Variants in KCNQ1 observed in about 807,000 individuals in gnomAD.
KCNQ1 encodes the protein potassium voltage-gated channel subfamily Q member 1.
In KCNQ1, 49 loss-of-function variants were observed where a neutral mutation model predicts 72.4. That is an observed-to-expected ratio of 0.68 (90% CI 0.54 to 0.86). KCNQ1 has a LOEUF of 0.86. Ranked by LOEUF, KCNQ1 falls within the 40% of genes least tolerant of loss-of-function variation. The probability of loss-of-function intolerance (pLI) is 0.00; values close to 1 mark genes in which losing one functional copy is unlikely to be tolerated. For synonymous variants in KCNQ1, 450 were observed against 412.6 expected, an observed-to-expected ratio of 1.09 and a Z score of -1.10; for missense variants, 790 against 945.1, an observed-to-expected ratio of 0.84 and a Z score of 2.15.
chr11:2,786,660 C>T (rs1359296521), intron 15 of KCNQ1, among the ~76,000 whole-genome samples: 1 of 151,580 alleles, frequency 6.6e-6, no homozygotes, highest in African/African-American at 2.4e-5. Flanking sequence ...GTTTCTTTGA[C>T]TGTGTTTAAT....
rs1391400238 is a variant in KCNQ1, at chr11:2,612,457, G to A, written c.1393+23603G>A. ...TCATTATTTTTCTTTCTATTCTTCA[G>A]TCTGAATCATCTTTATGGATCTGCG... is the stretch of plus-strand genomic sequence containing the variant. On this transcript the variant is annotated intron_variant, in intron 10 of 15. Transcript: ENST00000155840. The surrounding 1 kb of genome is among the most constrained non-coding windows in gnomAD (Gnocchi z 5.5). 7.5e-6 allele frequency: 3 copies of A among 398,508 alleles called. No homozygotes were observed. The highest frequency in any genetic ancestry group is 1.3e-5 in the Non-Finnish European group (3 of 226,050). The allele number at this position is 398,508 out of a possible 1,614,324, so 24.7% of individuals were successfully genotyped here.
In KCNQ1 at chr11:2,713,060, C is replaced by T. The variant is rs1851031505; in HGVS notation, c.1514+50979C>T. 6.6e-6 allele frequency among the ~76,000 whole-genome samples: 1 copy of T among 152,212 alleles called. No individual in the cohort carries two copies. Among genetic ancestry groups the T allele is most frequent in the African/African-American group, 2.4e-5 (1 of 41,436 alleles). On this transcript the variant is annotated intron_variant, in intron 11 of 15. Coordinates refer to ENST00000155840, the MANE Select transcript of KCNQ1 (RefSeq NM_000218.3). This position sits in a 1 kb window ranked among gnomAD's most constrained non-coding sequence, Gnocchi z 5.6. ...CACCCAGAAGGCAGCAGGCTAACGA[C>T]TCCCCATGAAATTAACAACTTTGTG...
intron 10 of KCNQ1, chr11:2,646,577 G>A (rs1010674880): frequency 2.5e-6 from 1 of 398,610 alleles, no homozygotes; most frequent in Non-Finnish European, 4.4e-6. Context: ...CCAGGCTGGG[G>A]TGCAATGGTG....
rs532145286 is a variant in KCNQ1, at chr11:2,458,452, C to T, written c.386+12968C>T. Among the ~76,000 whole-genome samples, 2 of 152,338 alleles carry T rather than the reference C, an allele frequency of 1.3e-5. No homozygotes were observed. The highest frequency in any genetic ancestry group is 2.1e-4 in the South Asian group (1 of 4,828). On this transcript the variant is annotated intron_variant, in intron 1 of 15. Transcript: ENST00000155840. The surrounding 1 kb of genome is among the most constrained non-coding windows in gnomAD (Gnocchi z 4.6). ...GGAAACCCAGTAGCTGATGGGGTTG[C>T]GTCCTTCTTTGGGACTCCCGCAGAT...
chr11:2,699,133 T>C (rs897923306), intron 11 of KCNQ1: 3 of 398,332 alleles, frequency 7.5e-6, no homozygotes, highest in Non-Finnish European at 8.8e-6. Flanking sequence ...GATTCCAGAC[T>C]CCAATCCCAA....
rs537835361 is a variant in KCNQ1, at chr11:2,603,650, A to G, written c.1393+14796A>G. The stretch of plus-strand genomic sequence containing the variant: ...AATGTATGGTCCTTTGTGACTGGTT[A>G]CTTTCACTTAGCATCATGTTTTCAA... On this transcript the variant is annotated intron_variant, in intron 10 of 15. Transcript: ENST00000155840. This position sits in a 1 kb window ranked among gnomAD's most constrained non-coding sequence, Gnocchi z 4.1. Among the ~76,000 whole-genome samples, 1 of 152,222 alleles carries G rather than the reference A, an allele frequency of 6.6e-6. No individual in the cohort carries two copies. Among genetic ancestry groups the G allele is most frequent in the South Asian group, 2.1e-4 (1 of 4,818 alleles).
rs1846617829 is a variant in KCNQ1, at chr11:2,479,167, A to G, written c.386+33683A>G. Among the ~76,000 whole-genome samples the G allele has an allele frequency of 6.6e-6, 1 of 152,184 alleles. No homozygotes were observed. Among genetic ancestry groups the G allele is most frequent in the Non-Finnish European group, 1.5e-5 (1 of 68,040 alleles). On this transcript the variant is annotated intron_variant, in intron 1 of 15. Transcript: ENST00000155840. The surrounding 1 kb of genome is among the most constrained non-coding windows in gnomAD (Gnocchi z 4.6). ...TCACAGGCTGGCATTGAGTGTCTGCAGCTTTTCCAGGCACATGGTGCAAGC... is the reference window on the plus strand; with the variant it reads ...TCACAGGCTGGCATTGAGTGTCTGCGGCTTTTCCAGGCACATGGTGCAAGC...
rs999656827 is a variant in KCNQ1, at chr11:2,477,611, C to T, written c.386+32127C>T. Reference sequence around the variant, plus strand: ...CCATAGTGTGTTAAAAATGACCACACATGTAGGCTAGGCACAGTAGTTCAT... The same window carrying T: ...CCATAGTGTGTTAAAAATGACCACATATGTAGGCTAGGCACAGTAGTTCAT... On this transcript the variant is annotated intron_variant, in intron 1 of 15. Coordinates refer to ENST00000155840, the MANE Select transcript of KCNQ1 (RefSeq NM_000218.3). This position sits in a 1 kb window ranked among gnomAD's most constrained non-coding sequence, Gnocchi z 5.0. 2.6e-5 allele frequency among the ~76,000 whole-genome samples: 4 copies of T among 152,002 alleles called. No individual in the cohort carries two copies. Among genetic ancestry groups the T allele is most frequent in the Non-Finnish European group, 4.4e-5 (3 of 68,024 alleles).
At chr11:2,506,899 A>T (rs146387987) in intron 1 of KCNQ1, among the ~76,000 whole-genome samples, 1 of 152,020 alleles carries the variant, frequency 6.6e-6, no homozygotes, top group Non-Finnish European at 1.5e-5. Flanking sequence ...CTCATTTCCA[A>T]CTTCTTCCAT....
chr11:2,730,615 G>C (rs1250579334), intron 11 of KCNQ1, among the ~76,000 whole-genome samples: 1 of 152,218 alleles, frequency 6.6e-6, no homozygotes. Context: ...GAGGCCCCAG[G>C]AGGCAGGTGG....
At chr11:2,594,722 T>TG (rs968732650) in intron 10 of KCNQ1, among the ~76,000 whole-genome samples, 4 of 152,220 alleles carry the variant, frequency 2.6e-5, no homozygotes, top group African/African-American at 9.6e-5. Context: ...AATCCTTGTA[T>TG]GGGGGTTTAA....
intron 10 of KCNQ1, among the ~76,000 whole-genome samples, chr11:2,594,658 A>G (rs1848711717): frequency 1.3e-5 from 2 of 152,120 alleles, no homozygotes; most frequent in Non-Finnish European, 2.9e-5. Flanking sequence ...TTTCTGTTCC[A>G]CTGCTTTATC....
intron 11 of KCNQ1, among the ~76,000 whole-genome samples, chr11:2,700,668 G>C (rs1372788624): frequency 6.6e-6 from 1 of 152,124 alleles, no homozygotes; most frequent in African/African-American, 2.4e-5. Context: ...ACCTCAGGGG[G>C]TGAGTGGCAG....
At chr11:2,532,239 T>A (rs561254257) in intron 2 of KCNQ1, among the ~76,000 whole-genome samples, 2 of 152,312 alleles carry the variant, frequency 1.3e-5, no homozygotes, top group African/African-American at 2.4e-5. Context: ...ACCCCGTGGC[T>A]GCGCTAACCC....
In KCNQ1 at chr11:2,753,458, A is replaced by G. The variant is rs145924367; in HGVS notation, c.1515-15386A>G. The stretch of plus-strand genomic sequence containing the variant: ...GCATGTGCCCTGGGCAGAGCCAGGA[A>G]AGCTGGGGATGTCTCAAAGCCTCCC... On this transcript the variant is annotated intron_variant, in intron 11 of 15. Transcript: ENST00000155840. Among the ~76,000 whole-genome samples, 1,009 of 152,214 alleles carry G rather than the reference A, an allele frequency of 6.6e-3. 10 individuals carry two copies. The highest frequency in any genetic ancestry group is 0.023 in the African/African-American group (962 of 41,548).
intron 11 of KCNQ1, among the ~76,000 whole-genome samples, chr11:2,739,719 G>A (rs1445683553): frequency 6.6e-6 from 1 of 152,242 alleles, no homozygotes; most frequent in African/African-American, 2.4e-5. Flanking sequence ...CTTAAGGCAG[G>A]TCGGCTGCTC....
chr11:2,516,682 C>A lies in KCNQ1; in HGVS notation c.387-11246C>A, dbSNP rs1480356693. 2.0e-5 allele frequency among the ~76,000 whole-genome samples: 3 copies of A among 152,142 alleles called. No homozygotes were observed. Among genetic ancestry groups the A allele is most frequent in the African/African-American group, 7.2e-5 (3 of 41,422 alleles). Reference sequence around the variant, plus strand: ...AGGACTCTTTGCCGGGATCCTCATGCTACGGCCACCACCTGATTTTGTCGA... The same window carrying A: ...AGGACTCTTTGCCGGGATCCTCATGATACGGCCACCACCTGATTTTGTCGA... On this transcript the variant is annotated intron_variant, in intron 1 of 15. Coordinates refer to ENST00000155840, the MANE Select transcript of KCNQ1 (RefSeq NM_000218.3). The surrounding 1 kb of genome is among the most constrained non-coding windows in gnomAD (Gnocchi z 7.0).
In KCNQ1 at chr11:2,847,844, C is replaced by T; in HGVS notation, c.1872C>T (p.Thr624=). Residue 624 remains threonine, a synonymous_variant, in exon 16 of 16, where the codon ACC becomes ACT. Coordinates refer to ENST00000155840, the MANE Select transcript of KCNQ1 (RefSeq NM_000218.3). ...HQLLSLHGGS[T]PGSGGPPREG... ...TGCTCTCCTTGCACGGTGGCAGCAC[C>T]CCCGGCAGCGGCGGCCCCCCCAGAG... 4 of 1,570,746 alleles carry T rather than the reference C, an allele frequency of 2.5e-6. No homozygotes were observed. The highest frequency in any genetic ancestry group is 1.7e-4 in the Middle Eastern group (1 of 6,018).
intron 15 of KCNQ1, among the ~76,000 whole-genome samples, chr11:2,804,651 C>T (rs944098337): frequency 1.3e-5 from 2 of 152,212 alleles, no homozygotes; most frequent in Admixed American, 6.5e-5. Context: ...CAAAAGCTAA[C>T]GAGTGGGGTT....
Sources: gnomAD v4.1 joint callset for allele counts (sites outside exome capture counted in the v4.1 genomes callset) on GRCh38, gnomAD v4.1.1 for gene constraint, Gnocchi (gnomAD v3.1) non-coding constraint, MANE v1.5 for transcripts, NCBI Gene and HGNC (gene_info 2026-07-23, HGNC 2026-07-21) for gene names.